The following FRMD4A variants were observed in gnomAD, a reference collection of about 807,000 sequenced individuals.
FRMD4A encodes the protein FERM domain-containing protein 4A.
Under a neutral mutation model 129.1 loss-of-function variants are expected in FRMD4A, and 29 were observed. That is an observed-to-expected ratio of 0.22 (90% CI 0.17 to 0.31). The LOEUF (loss-of-function observed/expected upper bound fraction) is 0.31, where lower values mean the gene tolerates loss of function less well. Ranked by LOEUF, FRMD4A falls within the 10% of genes least tolerant of loss-of-function variation. The pLI, the probability that FRMD4A is intolerant of heterozygous loss-of-function variation, is 1.00. For synonymous variants in FRMD4A, 634 were observed against 571.6 expected (o/e 1.11, Z -1.56); for missense variants, 1,272 against 1,375.8 (o/e 0.92, Z 1.19).
At chr10:13,912,688 C>T (rs1472143565) in intron 2 of FRMD4A, among the ~76,000 whole-genome samples, 3 of 152,010 alleles carry the variant, frequency 2.0e-5, no homozygotes, top group African/African-American at 4.8e-5. Context: ...CCACCATGCC[C>T]GGCTAATTTT....
chr10:13,911,827 G>A (rs143204882), intron 2 of FRMD4A, among the ~76,000 whole-genome samples: 16 of 152,176 alleles, frequency 1.1e-4, no homozygotes, highest in African/African-American at 3.9e-4. Flanking sequence ...CTCCCAAACC[G>A]CTAGGATTAG....
intron 2 of FRMD4A, among the ~76,000 whole-genome samples, chr10:14,246,948 C>T (rs1844263905): frequency 6.6e-6 from 1 of 152,118 alleles, no homozygotes; most frequent in Admixed American, 6.5e-5. Context: ...GTTGTGTGAA[C>T]ATGGGCACGG....
At chr10:13,843,341 T>C (rs2093996642) in intron 3 of FRMD4A, among the ~76,000 whole-genome samples, 1 of 152,206 alleles carries the variant, frequency 6.6e-6, no homozygotes, top group Non-Finnish European at 1.5e-5. Flanking sequence ...GTCACCTTGA[T>C]TCTGCTCCCT....
chr10:13,888,683 A>G (rs1333801012), intron 2 of FRMD4A, among the ~76,000 whole-genome samples: 1 of 152,224 alleles, frequency 6.6e-6, no homozygotes, highest in African/African-American at 2.4e-5. Flanking sequence ...AAACCAAAAA[A>G]GAGAAATTCT....
chr10:13,785,894 A>G (rs1319150520), intron 5 of FRMD4A, among the ~76,000 whole-genome samples: 2 of 152,056 alleles, frequency 1.3e-5, no homozygotes, highest in Non-Finnish European at 2.9e-5. Flanking sequence ...TCCTTGTGAC[A>G]GTTTGCTCAG....
At chr10:14,157,844 C>A (rs1243983289) in intron 2 of FRMD4A, among the ~76,000 whole-genome samples, 3 of 151,964 alleles carry the variant, frequency 2.0e-5, no homozygotes, top group Non-Finnish European at 2.9e-5. Context: ...GAAGAGAAGA[C>A]CCTAAGTCTT....
intron 2 of FRMD4A, among the ~76,000 whole-genome samples, chr10:14,058,229 C>T (rs573973363): frequency 3.3e-5 from 5 of 152,306 alleles, no homozygotes; most frequent in East Asian, 3.9e-4. Context: ...TATCTTTATA[C>T]TGAATTCATC....
intron 6 of FRMD4A, among the ~76,000 whole-genome samples, chr10:13,776,909 G>A (rs1165406040): frequency 1.3e-5 from 2 of 152,190 alleles, no homozygotes; most frequent in Non-Finnish European, 2.9e-5. Context: ...ACAGCCAAGA[G>A]AAAAAAACTC....
chr10:13,731,669 AT>A (rs1474751247), intron 12 of FRMD4A, among the ~76,000 whole-genome samples: 3 of 146,016 alleles, frequency 2.1e-5, no homozygotes, highest in African/African-American at 7.6e-5. Context: ...AAAAAAAAAA[AT>A]TCTACATCCT....
At chr10:13,798,610 A>G (rs917684240) in intron 4 of FRMD4A, among the ~76,000 whole-genome samples, 5 of 151,740 alleles carry the variant, frequency 3.3e-5, no homozygotes, top group African/African-American at 9.7e-5. Context: ...CCAGCTACTC[A>G]GGAGGCTGAA....
intron 2 of FRMD4A, among the ~76,000 whole-genome samples, chr10:14,072,209 G>C (rs564019162): frequency 6.6e-6 from 1 of 152,222 alleles, no homozygotes; most frequent in South Asian, 2.1e-4. Flanking sequence ...TGGCTAAATG[G>C]ATATGAAGAC....
intron 2 of FRMD4A, among the ~76,000 whole-genome samples, chr10:14,011,579 G>C (rs368331321): frequency 1.3e-5 from 2 of 152,306 alleles, no homozygotes; most frequent in African/African-American, 4.8e-5. Flanking sequence ...AGGGAACTGT[G>C]GAAATAGCCA....
chr10:14,166,410 C>A (rs1238560100), intron 2 of FRMD4A, among the ~76,000 whole-genome samples: 2 of 152,144 alleles, frequency 1.3e-5, no homozygotes, highest in Non-Finnish European at 2.9e-5. Context: ...TGTGGAGATA[C>A]ACTGGAAGTA....
chr10:14,210,814 G>T (rs1293103925), intron 2 of FRMD4A, among the ~76,000 whole-genome samples: 1 of 152,178 alleles, frequency 6.6e-6, no homozygotes, highest in African/African-American at 2.4e-5. Flanking sequence ...TGCAACCTCT[G>T]TCTCCAGGGT....
chr10:13,849,798 A>G (rs17136972), intron 3 of FRMD4A, among the ~76,000 whole-genome samples: 4,046 of 151,762 alleles, frequency 0.027, 170 homozygotes, highest in African/African-American at 0.092. Flanking sequence ...ATTTTTGCAG[A>G]ATATCATTAA....
intron 2 of FRMD4A, among the ~76,000 whole-genome samples, chr10:14,082,108 A>G (rs1211386535): frequency 1.3e-5 from 2 of 152,142 alleles, no homozygotes; most frequent in Admixed American, 6.6e-5. Flanking sequence ...TTAGCTGGGC[A>G]TGGTGGCACG....
intron 15 of FRMD4A, chr10:13,685,595 A>T: frequency 1.0e-6 from 1 of 984,412 alleles, no homozygotes; most frequent in Non-Finnish European, 1.2e-6. Flanking sequence ...GCAAAGGAGC[A>T]CTGCAACAGA....
At chr10:14,012,650 G>A (rs554244786) in intron 2 of FRMD4A, among the ~76,000 whole-genome samples, 69 of 152,264 alleles carry the variant, frequency 4.5e-4, no homozygotes, top group African/African-American at 1.5e-3. Context: ...GTGCCCGCGC[G>A]GATGCATGCT....
chr10:14,117,455 T>A (rs1316851505), intron 2 of FRMD4A, among the ~76,000 whole-genome samples: 1 of 152,222 alleles, frequency 6.6e-6, no homozygotes, highest in East Asian at 1.9e-4. Context: ...TCCTAGAAGT[T>A]GATAGGGGTT....
Sources: allele counts gnomAD v4.1 joint callset (sites outside exome capture counted in the v4.1 genomes callset), GRCh38; gene constraint gnomAD v4.1.1; transcripts MANE v1.5; gene names NCBI Gene and HGNC (gene_info 2026-07-23, HGNC 2026-07-21).